The following BRMS1L variants were observed in gnomAD, a reference collection of about 807,000 sequenced individuals.
BRMS1L encodes BRMS1 like transcriptional repressor.
In BRMS1L, 23 loss-of-function variants were observed where a neutral mutation model predicts 50.3. The ratio of observed to expected loss-of-function variants is 0.46; its 90% CI spans 0.33 to 0.65. The LOEUF is 0.65. BRMS1L is among the 30% of genes least tolerant of loss of function. The pLI is 0.02. For synonymous variants in BRMS1L, 114 were observed against 126.9 expected (o/e 0.90, Z 0.69); for missense variants, 286 against 386.1 (o/e 0.74, Z 2.17).
intron 4 of BRMS1L, among the ~76,000 whole-genome samples, chr14:35,838,011 T>C (rs2078016627): frequency 6.6e-6 from 1 of 152,204 alleles, no homozygotes; most frequent in African/African-American, 2.4e-5. Context: ...CTCCTAATGC[T>C]ATTCCTCCCC....
At chr14:35,839,171 A>G (rs1218379201) in intron 4 of BRMS1L, among the ~76,000 whole-genome samples, 1 of 152,156 alleles carries the variant, frequency 6.6e-6, no homozygotes, top group African/African-American at 2.4e-5. Context: ...GTCGAAGATC[A>G]GATGGTTGTA....
At chr14:35,864,689 T>C (rs1262832931) in intron 6 of BRMS1L, among the ~76,000 whole-genome samples, 1 of 152,148 alleles carries the variant, frequency 6.6e-6, no homozygotes, top group Admixed American at 6.6e-5. Context: ...AAACCAGTGA[T>C]TGTGTTAGTG....
intron 4 of BRMS1L, among the ~76,000 whole-genome samples, chr14:35,847,613 G>C (rs141896891): frequency 6.6e-6 from 1 of 152,314 alleles, no homozygotes; most frequent in East Asian, 1.9e-4. Flanking sequence ...AGGTACTAAT[G>C]ATGAGGTGCA....
At chr14:35,860,380 C>T (rs1459590669) in intron 4 of BRMS1L, among the ~76,000 whole-genome samples, 1 of 152,050 alleles carries the variant, frequency 6.6e-6, no homozygotes, top group Non-Finnish European at 1.5e-5. Context: ...TCAAGTGATC[C>T]ACCTGCCTCA....
intron 1 of BRMS1L, among the ~76,000 whole-genome samples, chr14:35,829,310 A>G (rs981562092): frequency 6.6e-5 from 10 of 152,164 alleles, no homozygotes; most frequent in African/African-American, 2.2e-4. Context: ...TTATGATAGG[A>G]GCAAGGATCT....
At chr14:35,842,056 T>C (rs2078073149) in intron 4 of BRMS1L, among the ~76,000 whole-genome samples, 1 of 151,616 alleles carries the variant, frequency 6.6e-6, no homozygotes, top group Admixed American at 6.6e-5. Context: ...CATCCCTTTA[T>C]TTTGAGCTTA....
At chr14:35,838,158 A>G (rs1396113904) in intron 4 of BRMS1L, among the ~76,000 whole-genome samples, 1 of 152,176 alleles carries the variant, frequency 6.6e-6, no homozygotes, top group African/African-American at 2.4e-5. Flanking sequence ...TTTGCTGAGT[A>G]TGATGGTTTC....
chr14:35,856,838 T>G (rs1397398151), intron 4 of BRMS1L, among the ~76,000 whole-genome samples: 1 of 151,990 alleles, frequency 6.6e-6, no homozygotes, highest in Admixed American at 6.6e-5. Context: ...GGTCTCAAAC[T>G]CCTGGCCTCA....
chr14:35,856,896 G>A (rs561177425), intron 4 of BRMS1L, among the ~76,000 whole-genome samples: 1 of 151,918 alleles, frequency 6.6e-6, no homozygotes, highest in Admixed American at 6.6e-5. Context: ...AAACTAGCTA[G>A]TATGATTTTG....
chr14:35,854,451 A>C (rs2078254083), intron 4 of BRMS1L, among the ~76,000 whole-genome samples: 1 of 152,008 alleles, frequency 6.6e-6, no homozygotes. Context: ...GCCGCATTTG[A>C]GCTCTTGGTT....
chr14:35,846,944 T>A (rs1052879510), intron 4 of BRMS1L, among the ~76,000 whole-genome samples: 1 of 152,052 alleles, frequency 6.6e-6, no homozygotes, highest in Non-Finnish European at 1.5e-5. Context: ...TCTGTGATGG[T>A]GGATTTGTTT....
chr14:35,842,738 G>C (rs2078082784), intron 4 of BRMS1L, among the ~76,000 whole-genome samples: 1 of 152,116 alleles, frequency 6.6e-6, no homozygotes, highest in Non-Finnish European at 1.5e-5. Flanking sequence ...TGCCAGGTTG[G>C]GGAAGTGCTC....
At chr14:35,837,735 A>G (rs2078012843) in intron 4 of BRMS1L, among the ~76,000 whole-genome samples, 1 of 151,920 alleles carries the variant, frequency 6.6e-6, no homozygotes, top group Non-Finnish European at 1.5e-5. Flanking sequence ...TTGTATTTTT[A>G]GTAGAGACGA....
intron 4 of BRMS1L, among the ~76,000 whole-genome samples, chr14:35,847,592 T>A (rs955470448): frequency 7.2e-5 from 11 of 152,262 alleles, no homozygotes; most frequent in Non-Finnish European, 1.5e-4. Flanking sequence ...CATTTGAGAT[T>A]TGGAGGCCAA....
chr14:35,856,400 G>A (rs2078279725), intron 4 of BRMS1L, among the ~76,000 whole-genome samples: 1 of 152,158 alleles, frequency 6.6e-6, no homozygotes, highest in Admixed American at 6.6e-5. Context: ...CAAGGTCTCA[G>A]AATCCTTCAG....
intron 1 of BRMS1L, 42 bp downstream of exon 1, chr14:35,826,700 C>A: frequency 6.3e-7 from 1 of 1,599,592 alleles, no homozygotes; most frequent in Non-Finnish European, 8.5e-7. Flanking sequence ...CCGCGCCCAG[C>A]GCGCGACAGG....
intron 4 of BRMS1L, among the ~76,000 whole-genome samples, chr14:35,848,982 A>G (rs181673091): frequency 6.6e-6 from 1 of 152,252 alleles, no homozygotes; most frequent in Non-Finnish European, 1.5e-5. Context: ...ATATATACCT[A>G]GAAGTGGAAT....
intron 1 of BRMS1L, among the ~76,000 whole-genome samples, chr14:35,829,575 A>G (rs1595657704): frequency 6.6e-6 from 1 of 152,158 alleles, no homozygotes; most frequent in South Asian, 2.1e-4. Flanking sequence ...TTTTCTTCTC[A>G]AATGTTGGTG....
At chr14:35,851,901 T>G (rs1040899809) in intron 4 of BRMS1L, among the ~76,000 whole-genome samples, 1 of 152,370 alleles carries the variant, frequency 6.6e-6, no homozygotes, top group Non-Finnish European at 1.5e-5. Flanking sequence ...GACTGTTTTT[T>G]TCCCGTTGTG....
Sources: gnomAD v4.1 joint callset for allele counts (sites outside exome capture counted in the v4.1 genomes callset) on GRCh38, gnomAD v4.1.1 for gene constraint, MANE v1.5 for transcripts, NCBI Gene and HGNC (gene_info 2026-07-23, HGNC 2026-07-21) for gene names.